Variants in ASTN2 observed in about 807,000 individuals in gnomAD.
ASTN2 encodes astrotactin 2.
Under a neutral mutation model 139.8 loss-of-function variants are expected in ASTN2, and 54 were observed. The observed-to-expected ratio is 0.39, with a 90% CI of 0.31 to 0.48. ASTN2 has a LOEUF of 0.48. ASTN2 is among the 20% of genes least tolerant of loss of function. The probability of loss-of-function intolerance (pLI) is 0.95; values close to 1 mark genes in which losing one functional copy is unlikely to be tolerated. For missense variants in ASTN2, 1,565 were observed against 1,725.1 expected (o/e 0.91, Z 1.64); for synonymous variants, 756 against 719.5 (o/e 1.05, Z -0.81).
intron 14 of ASTN2, 89 bp downstream of exon 14, chr9:116,733,310 T>C: frequency 1.3e-6 from 2 of 1,531,748 alleles, no homozygotes; most frequent in Non-Finnish European, 1.8e-6. Context: ...AGAGCCCATC[T>C]TGGATCTGCT....
At chr9:116,999,674 C>T (rs537608047) in intron 7 of ASTN2, among the ~76,000 whole-genome samples, 84 of 147,464 alleles carry the variant, frequency 5.7e-4, no homozygotes, top group Non-Finnish European at 1.1e-3. Flanking sequence ...AATCTTGTGC[C>T]TCAACCTCCC....
chr9:116,544,007 T>C (rs555202393), intron 19 of ASTN2, among the ~76,000 whole-genome samples: 13 of 152,284 alleles, frequency 8.5e-5, no homozygotes, highest in South Asian at 2.1e-4. Flanking sequence ...CATAACATTG[T>C]CTAGTTCTAA....
chr9:117,134,290 A>G (rs1393343819), intron 4 of ASTN2, among the ~76,000 whole-genome samples: 1 of 53,538 alleles, frequency 1.9e-5, no homozygotes, highest in South Asian at 5.5e-4. Flanking sequence ...ATATATATAT[A>G]TATATACACA....
At chr9:116,515,584 T>G (rs1026778123) in intron 19 of ASTN2, among the ~76,000 whole-genome samples, 1 of 152,168 alleles carries the variant, frequency 6.6e-6, no homozygotes, top group African/African-American at 2.4e-5. Context: ...GGGTGCCTGA[T>G]ATGCCATATA....
At chr9:116,814,531 A>G (rs1374326795) in intron 12 of ASTN2, among the ~76,000 whole-genome samples, 1 of 152,232 alleles carries the variant, frequency 6.6e-6, no homozygotes, top group African/African-American at 2.4e-5. Flanking sequence ...CTCTCAGTTT[A>G]CATAACACTA....
chr9:117,233,729 A>G (rs367844441), intron 2 of ASTN2, among the ~76,000 whole-genome samples: 21 of 152,230 alleles, frequency 1.4e-4, no homozygotes, highest in Middle Eastern at 3.4e-3. Flanking sequence ...CTTATGGCAG[A>G]GTGGTGATCA....
At chr9:116,990,856 G>T (rs1314019513) in intron 7 of ASTN2, among the ~76,000 whole-genome samples, 3 of 152,174 alleles carry the variant, frequency 2.0e-5, no homozygotes, top group Non-Finnish European at 4.4e-5. Flanking sequence ...ACAGAGTCAG[G>T]TTTCATTGTT....
chr9:116,859,389 G>A (rs2132334391), intron 11 of ASTN2, among the ~76,000 whole-genome samples: 1 of 152,302 alleles, frequency 6.6e-6, no homozygotes, highest in Non-Finnish European at 1.5e-5. Context: ...GGTTACCACA[G>A]CAGAACCAGA....
At chr9:117,008,719 G>A (rs763193443) in intron 6 of ASTN2, among the ~76,000 whole-genome samples, 2 of 152,092 alleles carry the variant, frequency 1.3e-5, no homozygotes, top group Middle Eastern at 3.2e-3. Flanking sequence ...CAAAGGAAAA[G>A]AAAAAAGCTA....
At chr9:116,455,908 A>T (rs1425288517) in intron 20 of ASTN2, among the ~76,000 whole-genome samples, 1 of 152,136 alleles carries the variant, frequency 6.6e-6, no homozygotes, top group Non-Finnish European at 1.5e-5. Flanking sequence ...CACAGCTAGT[A>T]TTATACCAAA....
At chr9:116,964,550 C>G (rs1447922760) in intron 10 of ASTN2, among the ~76,000 whole-genome samples, 2 of 152,090 alleles carry the variant, frequency 1.3e-5, no homozygotes, top group African/African-American at 2.4e-5. Context: ...AAGGTAGATT[C>G]CATCACTCAG....
intron 13 of ASTN2, among the ~76,000 whole-genome samples, chr9:116,767,373 G>T (rs1029918982): frequency 1.3e-5 from 2 of 152,320 alleles, no homozygotes; most frequent in Non-Finnish European, 2.9e-5. Context: ...GATTGTTCAG[G>T]TTTAATTAAG....
chr9:117,087,121 G>A (rs1296043015), intron 5 of ASTN2, among the ~76,000 whole-genome samples: 5 of 152,218 alleles, frequency 3.3e-5, no homozygotes, highest in Admixed American at 3.3e-4. Context: ...GACGTGAAAA[G>A]CTGCATCACA....
chr9:117,262,867 C>A (rs551865449), intron 2 of ASTN2, among the ~76,000 whole-genome samples: 25 of 152,102 alleles, frequency 1.6e-4, no homozygotes, highest in African/African-American at 5.5e-4. Flanking sequence ...AGAACTCGAC[C>A]CCCTAGTATT....
intron 5 of ASTN2, among the ~76,000 whole-genome samples, chr9:117,075,314 G>A (rs1017587004): frequency 2.0e-5 from 3 of 152,158 alleles, no homozygotes; most frequent in Non-Finnish European, 4.4e-5. Context: ...CAGCGTCAGC[G>A]CCTCTGCCCA....
At chr9:116,567,684 A>G (rs1306818650) in intron 19 of ASTN2, among the ~76,000 whole-genome samples, 1 of 152,130 alleles carries the variant, frequency 6.6e-6, no homozygotes, top group Non-Finnish European at 1.5e-5. Flanking sequence ...TAAGAGACAT[A>G]AAGTAGTGGT....
chr9:116,865,829 C>T (rs964671967), intron 10 of ASTN2, among the ~76,000 whole-genome samples: 5 of 152,140 alleles, frequency 3.3e-5, no homozygotes, highest in African/African-American at 7.2e-5. Context: ...CAAATGCTTA[C>T]GTGAAGAAAT....
intron 19 of ASTN2, among the ~76,000 whole-genome samples, chr9:116,547,149 G>A (rs1852132432): frequency 6.6e-6 from 1 of 152,162 alleles, no homozygotes; most frequent in African/African-American, 2.4e-5. Flanking sequence ...GGTTTCCAGA[G>A]AAGACCAAGG....
At chr9:116,639,188 G>A (rs1002502446) in intron 17 of ASTN2, among the ~76,000 whole-genome samples, 1 of 152,140 alleles carries the variant, frequency 6.6e-6, no homozygotes, top group African/African-American at 2.4e-5. Context: ...CTCCCAAATG[G>A]GATAATTTGG....
Sources: allele counts gnomAD v4.1 joint callset (sites outside exome capture counted in the v4.1 genomes callset), GRCh38; gene constraint gnomAD v4.1.1; transcripts MANE v1.5; gene names NCBI Gene and HGNC (gene_info 2026-07-23, HGNC 2026-07-21).